The following TLR6 variants were observed in gnomAD, a reference collection of about 807,000 sequenced individuals.
TLR6 encodes the protein toll like receptor 6, also known as toll-like receptor 6.
TLR6 carries 9 observed loss-of-function variants against 16.1 expected under a neutral mutation model. That is an observed-to-expected ratio of 0.56 (90% confidence interval 0.34 to 0.98). TLR6 has a LOEUF of 0.98. Ranked by LOEUF, TLR6 falls within the 50% of genes least tolerant of loss-of-function variation. TLR6 has a pLI of 0.02. For synonymous variants in TLR6, 340 were observed against 338.6 expected, an observed-to-expected ratio of 1.00 and a Z score of -0.04; for missense variants, 786 against 921.0, an observed-to-expected ratio of 0.85 and a Z score of 1.90.
chr4:38,856,590 G>C (rs575079678), intron 1 of TLR6, among the ~76,000 whole-genome samples, 171 bp downstream of exon 1: 1 of 152,104 alleles, frequency 6.6e-6, no homozygotes, highest in Admixed American at 6.6e-5. Flanking sequence ...CATCCTGCTC[G>C]TGAAATTCAA....
intron 1 of TLR6, among the ~76,000 whole-genome samples, chr4:38,834,426 G>T (rs961125071): frequency 1.3e-4 from 20 of 150,934 alleles, no homozygotes; most frequent in Non-Finnish European, 2.8e-4. Flanking sequence ...TTCACATTTT[G>T]GGAGTTCCAG....
chr4:38,859,089 A>G (rs936553677), upstream of TLR6, among the ~76,000 whole-genome samples: 1 of 152,220 alleles, frequency 6.6e-6, no homozygotes, highest in Non-Finnish European at 1.5e-5. Flanking sequence ...GCAGCTGGGT[A>G]ATCGTTCCAG....
chr4:38,845,702 G>A (rs1712496722), intron 1 of TLR6, among the ~76,000 whole-genome samples: 1 of 151,748 alleles, frequency 6.6e-6, no homozygotes, highest in Admixed American at 6.6e-5. Flanking sequence ...CAAGACCTGT[G>A]TCAGATTCCT....
chr4:38,859,808 C>G (rs550431983), upstream of TLR6, among the ~76,000 whole-genome samples: 37 of 152,072 alleles, frequency 2.4e-4, no homozygotes, highest in African/African-American at 8.0e-4. Flanking sequence ...TCAAACAATC[C>G]GCCCACCTCA....
upstream of TLR6, among the ~76,000 whole-genome samples, chr4:38,858,841 AAG>A (rs1474803039): frequency 4.3e-5 from 2 of 46,638 alleles, no homozygotes; most frequent in Non-Finnish European, 9.5e-5. Context: ...GGAAGAAAGA[AAG>A]AAAGAAAGAA....
At chr4:38,856,005 G>GA (rs200226192) in intron 1 of TLR6, among the ~76,000 whole-genome samples, 4,867 of 151,600 alleles carry the variant, frequency 0.032, 222 homozygotes, top group African/African-American at 0.089. Context: ...GAAGAGAGCA[G>GA]AAAAAAAATT....
At chr4:38,846,755 T>C (rs138149923) in intron 1 of TLR6, among the ~76,000 whole-genome samples, 1,586 of 135,876 alleles carry the variant, frequency 0.012, 27 homozygotes, top group African/African-American at 0.038. Flanking sequence ...AGAAGGGAGT[T>C]GGCTGAAGGT....
chr4:38,827,676 C>T, exon 2 of TLR6: 1 of 1,614,178 alleles, frequency 6.2e-7, no homozygotes, highest in Non-Finnish European at 8.5e-7. Flanking sequence ...GTCACAGTCA[C>T]AGCCAACACC....
Position 38,829,552 on chromosome 4 carries a change from T to C in TLR6, c.-64-15A>G. 2.5e-6 allele frequency: 2 copies of C among 795,536 alleles called. No individual in the cohort carries two copies. The highest frequency in any genetic ancestry group is 4.1e-6 in the Non-Finnish European group (2 of 491,156). 49.3% of individuals were successfully genotyped at this position (795,536 alleles called of 1,614,324 possible). ...GAGTCCAAATTCTAGAAATATAATA[T>C]ACACTAAGATTAATAAAGATCGGAT... On this transcript the variant is annotated splice_polypyrimidine_tract_variant and intron_variant, in intron 1 of 1. Transcript: ENST00000436693.
intron 1 of TLR6, among the ~76,000 whole-genome samples, chr4:38,835,531 CA>C (rs557582079): frequency 6.6e-6 from 1 of 152,128 alleles, no homozygotes; most frequent in Non-Finnish European, 1.5e-5. Flanking sequence ...TTGGGAACTT[CA>C]ACATCCCACT....
At chr4:38,830,518 C>A (rs1257719294) in intron 1 of TLR6, among the ~76,000 whole-genome samples, 1 of 152,108 alleles carries the variant, frequency 6.6e-6, no homozygotes, top group African/African-American at 2.4e-5. Context: ...AGTTCAAAGC[C>A]AGCCTGCGCA....
At chr4:38,844,864 G>A (rs901536312) in intron 1 of TLR6, among the ~76,000 whole-genome samples, 31 of 152,094 alleles carry the variant, frequency 2.0e-4, no homozygotes, top group African/African-American at 7.5e-4. Context: ...GACCAGCCTT[G>A]CCAACATGGT....
At chr4:38,829,049 A>T in exon 2 of TLR6, 1 of 1,614,196 alleles carries the variant, frequency 6.2e-7, no homozygotes. Context: ...TAAGTTGCCA[A>T]ATTCCTTACA....
chr4:38,855,782 T>C (rs896553169), intron 1 of TLR6, among the ~76,000 whole-genome samples: 4 of 152,184 alleles, frequency 2.6e-5, no homozygotes, highest in African/African-American at 9.6e-5. Context: ...GATAGTAACT[T>C]TTCTATTTAT....
rs769142180 is a variant in TLR6, at chr4:38,827,665, G to A, written c.1809C>T (p.Thr603=). 3.1e-6 allele frequency: 5 copies of A among 1,614,092 alleles called. No homozygotes were observed. In the South Asian group the frequency reaches 5.5e-5, roughly 18 times the overall value. ...GCAGATCCAAGTAGATGCAGAGGGA[G>A]GTCACAGTCACAGCCAACACCAGCA... The change falls in exon 2 of 2, where the codon ACC becomes ACT. Residue 603 remains threonine, a synonymous_variant. Transcript: ENST00000436693.
rs1052985297 is a variant in TLR6 at position 38,855,797 on chromosome 4, A to G, written c.-65+964T>C. Among the ~76,000 whole-genome samples, 13 of 152,336 alleles carry G rather than the reference A, an allele frequency of 8.5e-5. No individual in the cohort carries two copies. In the East Asian group the frequency reaches 1.5e-3, roughly 18 times the overall value. ...GATAGTAACTTTTCTATTTATTGGG[A>G]AAAAAGGAGGGAAAAATGGGAAGAT... On this transcript the variant is annotated intron_variant, in intron 1 of 1. Coordinates refer to ENST00000436693, the Ensembl canonical transcript of TLR6.
the TLR6 span, among the ~76,000 whole-genome samples, chr4:38,863,866 C>T: frequency 6.6e-6 from 1 of 152,166 alleles, no homozygotes; most frequent in African/African-American, 2.4e-5. Context: ...TAGAATCATA[C>T]TCAAAAGCCA....
chr4:38,834,384 A>G (rs1033520963), intron 1 of TLR6, among the ~76,000 whole-genome samples: 2 of 151,154 alleles, frequency 1.3e-5, no homozygotes, highest in African/African-American at 4.8e-5. Context: ...AAGAATAAAG[A>G]AAGCCTATGG....
intron 1 of TLR6, among the ~76,000 whole-genome samples, chr4:38,854,782 T>C (rs7665515): frequency 0.16 from 24,006 of 152,110 alleles, 3,704 homozygotes; most frequent in African/African-American, 0.38. Context: ...ACTATAAGGA[T>C]ACTCATGACA....
Sources: allele counts gnomAD v4.1 joint callset (sites outside exome capture counted in the v4.1 genomes callset), GRCh38; gene constraint gnomAD v4.1.1; transcripts MANE v1.5; gene names NCBI Gene and HGNC (gene_info 2026-07-23, HGNC 2026-07-21).